PALM2AKAP2: variants seen among roughly 807,000 people sequenced by gnomAD.
The protein encoded by PALM2AKAP2 is PALM2 and AKAP2 fusion.
Under a neutral mutation model 71.5 loss-of-function variants are expected in PALM2AKAP2, and 37 were observed. The ratio of observed to expected loss-of-function variants is 0.52; its 90% CI spans 0.40 to 0.68. The LOEUF (loss-of-function observed/expected upper bound fraction) is 0.68, where lower values mean the gene tolerates loss of function less well. PALM2AKAP2 is among the 30% of genes least tolerant of loss of function. The probability of loss-of-function intolerance (pLI) is 0.00; values close to 1 mark genes in which losing one functional copy is unlikely to be tolerated. For synonymous variants in PALM2AKAP2, 468 were observed against 478.8 expected (o/e 0.98, Z 0.29); for missense variants, 1,224 against 1,191.8 (o/e 1.03, Z -0.40).
chr9:110,006,278 T>C (rs1477015470), intron 6 of PALM2AKAP2, among the ~76,000 whole-genome samples: 2 of 151,460 alleles, frequency 1.3e-5, no homozygotes, highest in African/African-American at 4.9e-5. Flanking sequence ...TTTCTCTCTC[T>C]CTCTTCCTTT....
chr9:110,082,867 C>T (rs907650586), intron 1 of PALM2AKAP2, among the ~76,000 whole-genome samples: 9 of 152,164 alleles, frequency 5.9e-5, no homozygotes, highest in Non-Finnish European at 1.2e-4. Flanking sequence ...TAGGGCTGGG[C>T]GTGGTGACTC....
intron 1 of PALM2AKAP2, among the ~76,000 whole-genome samples, chr9:110,091,449 G>C (rs756582865): frequency 7.7e-6 from 1 of 130,060 alleles, no homozygotes; most frequent in African/African-American, 3.1e-5. Flanking sequence ...TTTAATCTTT[G>C]AGATTTATTC....
chr9:109,909,971 C>G (rs1184820302), intron 3 of PALM2AKAP2, among the ~76,000 whole-genome samples: 1 of 152,200 alleles, frequency 6.6e-6, no homozygotes, highest in Admixed American at 6.5e-5. Context: ...TAGGCACATT[C>G]TGGATTTTAG....
rs201618057 is a variant in PALM2AKAP2 at position 109,869,950 on chromosome 9, AG to A, written c.126+2381del. ...TGAGTGCATTGTATGTCTCTGGGAAAGGCTTGTGTGGACAGAATGAGGGTGA... is the reference window on the plus strand; with the variant it reads ...TGAGTGCATTGTATGTCTCTGGGAAAGCTTGTGTGGACAGAATGAGGGTGA... On this transcript the variant is annotated intron_variant, in intron 2 of 9. Coordinates refer to the PALM2AKAP2 transcript ENST00000302798. Among the ~76,000 whole-genome samples the A allele has an allele frequency of 9.0e-3, 1,371 of 152,242 alleles. 19 individuals carry two copies. Among genetic ancestry groups the A allele is most frequent in the African/African-American group, 0.031 (1,292 of 41,532 alleles).
At chr9:109,905,135 G>C (rs1424948783) in intron 3 of PALM2AKAP2, among the ~76,000 whole-genome samples, 1 of 152,158 alleles carries the variant, frequency 6.6e-6, no homozygotes. Flanking sequence ...TAGAATTAGG[G>C]CTGTTAAGTC....
At chr9:109,835,888 G>A (rs10980076) in intron 1 of PALM2AKAP2, among the ~76,000 whole-genome samples, 16,475 of 152,214 alleles carry the variant, frequency 0.11, 1,318 homozygotes, top group East Asian at 0.39. Context: ...CGGGAAGCTC[G>A]AACTGGGTGG....
At chr9:110,157,997 C>A (rs1175256832) in intron 3 of PALM2AKAP2, among the ~76,000 whole-genome samples, 5 of 152,192 alleles carry the variant, frequency 3.3e-5, no homozygotes, top group African/African-American at 1.2e-4. Flanking sequence ...ACTGGCTCAG[C>A]TGCTGTATTA....
Position 109,959,601 on chromosome 9 carries a change from C to T in PALM2AKAP2, c.496+27573C>T, listed in dbSNP as rs148027374. 2.6e-4 allele frequency among the ~76,000 whole-genome samples: 39 copies of T among 148,780 alleles called. No homozygotes were observed. The East Asian group carries it at 7.2e-3, about 27-fold the overall frequency. ...CGGAACTTGCAGTGAGCTGAGATCACGCCACTGCACTCCAGCCTGGGTGAC... is the reference window on the plus strand; with the variant it reads ...CGGAACTTGCAGTGAGCTGAGATCATGCCACTGCACTCCAGCCTGGGTGAC... On this transcript the variant is annotated intron_variant, in intron 6 of 9. Transcript: ENST00000302798.
At chr9:109,779,038 G>A (rs149467868), upstream of PALM2AKAP2, among the ~76,000 whole-genome samples, 4,643 of 152,258 alleles carry the variant, frequency 0.03, 86 homozygotes, top group Non-Finnish European at 0.035. Flanking sequence ...CCAAAGTGCT[G>A]GGATTACAGG....
chr9:109,718,657 A>G (rs1201671253), intron 1 of PALM2AKAP2, among the ~76,000 whole-genome samples: 3 of 152,072 alleles, frequency 2.0e-5, no homozygotes, highest in Non-Finnish European at 4.4e-5. Context: ...CCCCTTGCCT[A>G]GTTTCCCCAT....
chr9:109,844,262 A>C (rs2131598660), intron 1 of PALM2AKAP2, among the ~76,000 whole-genome samples: 1 of 152,358 alleles, frequency 6.6e-6, no homozygotes, highest in African/African-American at 2.4e-5. Flanking sequence ...ATTTTACTAG[A>C]GGAACATAAA....
intron 1 of PALM2AKAP2, among the ~76,000 whole-genome samples, chr9:109,707,125 T>A (rs1418205301): frequency 6.6e-6 from 1 of 152,206 alleles, no homozygotes; most frequent in East Asian, 1.9e-4. Flanking sequence ...ACAGTTTCCC[T>A]GACCTTGGGC....
At chr9:110,110,668 T>A (rs1465886710) in intron 1 of PALM2AKAP2, among the ~76,000 whole-genome samples, 1 of 148,522 alleles carries the variant, frequency 6.7e-6, no homozygotes, top group Non-Finnish European at 1.5e-5. Flanking sequence ...TGCCTCAGCC[T>A]CCTGAGTAGC....
intron 1 of PALM2AKAP2, among the ~76,000 whole-genome samples, chr9:109,704,676 A>C (rs566738892): frequency 6.6e-6 from 1 of 152,134 alleles, no homozygotes; most frequent in Non-Finnish European, 1.5e-5. Flanking sequence ...GTCATTTCAC[A>C]TGCGTGATAA....
intron 1 of PALM2AKAP2, among the ~76,000 whole-genome samples, chr9:110,069,381 A>T (rs1371295574): frequency 6.6e-6 from 1 of 152,232 alleles, no homozygotes; most frequent in Non-Finnish European, 1.5e-5. Flanking sequence ...TATGCCTGTT[A>T]GTTGACTTCA....
intron 1 of PALM2AKAP2, among the ~76,000 whole-genome samples, chr9:109,736,367 A>G (rs1251773201): frequency 6.6e-6 from 1 of 152,210 alleles, no homozygotes; most frequent in Admixed American, 6.5e-5. Flanking sequence ...ATTGGAAGAC[A>G]TGTTCCAAGA....
intron 1 of PALM2AKAP2, among the ~76,000 whole-genome samples, chr9:109,816,307 T>C (rs1227740123): frequency 6.6e-6 from 1 of 152,164 alleles, no homozygotes; most frequent in Non-Finnish European, 1.5e-5. Flanking sequence ...AGGAAGACAG[T>C]GCAGTGATTG....
At chr9:110,053,251 C>T (rs1036988304) in intron 1 of PALM2AKAP2, among the ~76,000 whole-genome samples, 6 of 152,120 alleles carry the variant, frequency 3.9e-5, no homozygotes, top group Non-Finnish European at 8.8e-5. Context: ...CTGCGCCAGG[C>T]GCGGTGGCTT....
At chr9:110,128,147 T>G (rs1319568028) in intron 1 of PALM2AKAP2, 1 of 152,312 alleles carries the variant, frequency 6.6e-6, no homozygotes, top group Non-Finnish European at 1.5e-5. Context: ...TCAGCTGATG[T>G]GGGCATCTTT....
Sources: allele counts gnomAD v4.1 joint callset (sites outside exome capture counted in the v4.1 genomes callset), GRCh38; gene constraint gnomAD v4.1.1; transcripts MANE v1.5; gene names NCBI Gene and HGNC (gene_info 2026-07-23, HGNC 2026-07-21).